CNST: variants seen among roughly 807,000 people sequenced by gnomAD.
The protein encoded by CNST is consortin.
Under a neutral mutation model 72.4 loss-of-function variants are expected in CNST, and 39 were observed. That is an observed-to-expected ratio of 0.54 (90% CI 0.42 to 0.70). The LOEUF (loss-of-function observed/expected upper bound fraction) is 0.70, where lower values mean the gene tolerates loss of function less well. CNST is among the 30% of genes least tolerant of loss of function. The pLI, the probability that CNST is intolerant of heterozygous loss-of-function variation, is 0.00. For synonymous variants in CNST, 332 were observed against 320.1 expected (o/e 1.04, Z -0.40); for missense variants, 871 against 868.5 (o/e 1.00, Z -0.04).
chr1:246,636,375 T>G (rs1003377371), intron 6 of CNST, among the ~76,000 whole-genome samples: 17 of 152,080 alleles, frequency 1.1e-4, no homozygotes, highest in Admixed American at 9.2e-4. Context: ...TTTGAAATGC[T>G]AGTAATTAAG....
At chr1:246,652,305 T>G (rs1006352100) in intron 9 of CNST, among the ~76,000 whole-genome samples, 6 of 152,182 alleles carry the variant, frequency 3.9e-5, no homozygotes, top group Admixed American at 3.9e-4. Flanking sequence ...AAATGTGCCA[T>G]GTAAACTCAG....
At chr1:246,614,806 A>G (rs1663574918) in intron 2 of CNST, among the ~76,000 whole-genome samples, 1 of 152,016 alleles carries the variant, frequency 6.6e-6, no homozygotes, top group African/African-American at 2.4e-5. Flanking sequence ...ATTACTTACT[A>G]ACTAGAGTAC....
intron 8 of CNST, among the ~76,000 whole-genome samples, chr1:246,644,278 G>A (rs1665902454): frequency 6.6e-6 from 1 of 151,620 alleles, no homozygotes; most frequent in Non-Finnish European, 1.5e-5. Context: ...AGTCCCAGCT[G>A]CTGGAGAGGC....
At chr1:246,615,137 G>T (rs1419737470) in intron 2 of CNST, among the ~76,000 whole-genome samples, 2 of 152,064 alleles carry the variant, frequency 1.3e-5, no homozygotes, top group African/African-American at 2.4e-5. Flanking sequence ...CTCAATCAAG[G>T]TAATTTCCCC....
intron 2 of CNST, among the ~76,000 whole-genome samples, chr1:246,615,276 C>T (rs994035506): frequency 5.3e-5 from 8 of 152,056 alleles, no homozygotes; most frequent in Admixed American, 2.6e-4. Context: ...CCCGGGTTCA[C>T]GCCATTCTCC....
intron 8 of CNST, among the ~76,000 whole-genome samples, chr1:246,643,157 C>G (rs559575674): frequency 2.0e-5 from 3 of 152,046 alleles, no homozygotes; most frequent in African/African-American, 7.2e-5. Context: ...CCCACAAAGT[C>G]CTGGAATTAC....
chr1:246,582,651 G>A (rs915559603), intron 1 of CNST, among the ~76,000 whole-genome samples: 36 of 152,270 alleles, frequency 2.4e-4, no homozygotes, highest in African/African-American at 7.9e-4. Flanking sequence ...CTCTGGCCCC[G>A]CCTCCGTTTA....
chr1:246,581,399 A>G lies in CNST; in HGVS notation c.-51-10113A>G, dbSNP rs144793474. On this transcript the variant is annotated intron_variant, in intron 1 of 10. Coordinates refer to ENST00000366513, the MANE Select transcript of CNST (RefSeq NM_152609.3). Reference sequence around the variant, plus strand: ...CTGCCTCAGCCTCCCGAGTAGCTGGAATTACAGGCATGCGCCTCCACGCCT... The same window carrying G: ...CTGCCTCAGCCTCCCGAGTAGCTGGGATTACAGGCATGCGCCTCCACGCCT... Among the ~76,000 whole-genome samples, 661 of 151,832 alleles carry G rather than the reference A, an allele frequency of 4.4e-3. 3 individuals are homozygous for G. The highest frequency in any genetic ancestry group is 0.015 in the African/African-American group (636 of 41,390).
At chr1:246,616,568 T>C (rs1318007037) in intron 2 of CNST, among the ~76,000 whole-genome samples, 1 of 151,820 alleles carries the variant, frequency 6.6e-6, no homozygotes, top group African/African-American at 2.4e-5. Context: ...TTCTTTTTTC[T>C]TTTTTGAGTT....
intron 2 of CNST, among the ~76,000 whole-genome samples, chr1:246,608,387 T>C (rs78644591): frequency 0.029 from 4,419 of 152,328 alleles, 212 homozygotes; most frequent in African/African-American, 0.1. Flanking sequence ...ACAAATTGCA[T>C]GCTTGGGCAA....
At chr1:246,572,411 C>T (rs1660119925) in intron 1 of CNST, among the ~76,000 whole-genome samples, 1 of 152,098 alleles carries the variant, frequency 6.6e-6, no homozygotes, top group Non-Finnish European at 1.5e-5. Flanking sequence ...TTATTTTTCT[C>T]TTCTGCAGCT....
At chr1:246,626,038 G>A (rs1572198184) in intron 3 of CNST, among the ~76,000 whole-genome samples, 3 of 151,410 alleles carry the variant, frequency 2.0e-5, no homozygotes, top group Non-Finnish European at 2.9e-5. Context: ...TGCCTTCTCC[G>A]GCTCATTTTC....
rs1304016082 is a variant in CNST at position 246,658,667 on chromosome 1, T to C, written c.1837-1532T>C. On this transcript the variant is annotated intron_variant, in intron 9 of 10. Coordinates refer to ENST00000366513, the MANE Select transcript of CNST (RefSeq NM_152609.3). ...ATATTTAGTGTTTTATGCTATTGAT[T>C]AGATAAATGACATTAGAGGCCATCC... is the stretch of plus-strand genomic sequence containing the variant. Among the ~76,000 whole-genome samples the C allele has an allele frequency of 2.6e-5, 4 of 152,356 alleles. No homozygotes were observed. The South Asian group carries it at 8.3e-4, about 32-fold the overall frequency.
At chr1:246,633,176 G>A (rs556131054) in intron 4 of CNST, among the ~76,000 whole-genome samples, 2 of 152,148 alleles carry the variant, frequency 1.3e-5, no homozygotes, top group African/African-American at 2.4e-5. Flanking sequence ...TAGGCTGGGC[G>A]CAGTGGCTCA....
chr1:246,575,746 G>A (rs1190549658), intron 1 of CNST, among the ~76,000 whole-genome samples: 1 of 151,982 alleles, frequency 6.6e-6, no homozygotes, highest in Non-Finnish European at 1.5e-5. Flanking sequence ...TGTCGATAAA[G>A]GTGTCATGAA....
chr1:246,619,110 T>C (rs1036055886), intron 2 of CNST, among the ~76,000 whole-genome samples: 1 of 151,152 alleles, frequency 6.6e-6, no homozygotes, highest in African/African-American at 2.4e-5. Context: ...TCACAGTCTA[T>C]GAGATTAAAT....
chr1:246,649,156 G>C (rs912680416), intron 9 of CNST, among the ~76,000 whole-genome samples: 1 of 73,800 alleles, frequency 1.4e-5, no homozygotes, highest in Non-Finnish European at 2.7e-5. Context: ...ACAGACTGTT[G>C]TTTTGTTTTT....
At chr1:246,645,424 C>CTTTTATTTA (rs1665984229) in intron 8 of CNST, among the ~76,000 whole-genome samples, 1 of 106,106 alleles carries the variant, frequency 9.4e-6, no homozygotes, top group Non-Finnish European at 1.9e-5. Context: ...AAGGTTAAAA[C>CTTTTATTTA]TTTTTTTTTT....
chr1:246,620,870 T>G (rs185445555), intron 2 of CNST, among the ~76,000 whole-genome samples: 1 of 151,186 alleles, frequency 6.6e-6, no homozygotes, highest in Non-Finnish European at 1.5e-5. Context: ...ATGGCTTCAG[T>G]CATGCGTACA....
Sources: gnomAD v4.1 joint callset for allele counts (sites outside exome capture counted in the v4.1 genomes callset) on GRCh38, gnomAD v4.1.1 for gene constraint, MANE v1.5 for transcripts, NCBI Gene and HGNC (gene_info 2026-07-23, HGNC 2026-07-21) for gene names.